Variants in SHISA9 observed in about 807,000 individuals in gnomAD.
The protein encoded by SHISA9 is shisa family member 9, also known as protein shisa-9.
Under a neutral mutation model 38.0 loss-of-function variants are expected in SHISA9, and 13 were observed. The observed-to-expected ratio is 0.34, with a 90% CI of 0.22 to 0.54. The LOEUF (loss-of-function observed/expected upper bound fraction) is 0.54. Among genes scored for constraint, SHISA9 ranks in the 20% least tolerant of loss-of-function variants. The pLI, the probability that SHISA9 is intolerant of heterozygous loss-of-function variation, is 0.91. For synonymous variants in SHISA9, 275 were observed against 242.0 expected, an observed-to-expected ratio of 1.14 and a Z score of -1.27; for missense variants, 538 against 575.8, an observed-to-expected ratio of 0.93 and a Z score of 0.67.
intron 3 of SHISA9, among the ~76,000 whole-genome samples, chr16:13,209,866 C>T (rs2051100802): frequency 6.6e-6 from 1 of 152,156 alleles, no homozygotes; most frequent in South Asian, 2.1e-4. Context: ...CTTTGGGAGG[C>T]CAAGGCGATG....
chr16:13,549,236 G>A, the SHISA9 span, among the ~76,000 whole-genome samples: 1 of 152,180 alleles, frequency 6.6e-6, no homozygotes, highest in African/African-American at 2.4e-5. Flanking sequence ...GGGAAATGGG[G>A]AGATGTAGGT....
At chr16:13,169,178 C>T (rs779660584) in intron 2 of SHISA9, among the ~76,000 whole-genome samples, 18 of 152,158 alleles carry the variant, frequency 1.2e-4, no homozygotes, top group Non-Finnish European at 1.3e-4. Context: ...GATCTTCACC[C>T]CTCCCAGCTC....
At chr16:13,186,647 C>T (rs1024586136) in intron 2 of SHISA9, among the ~76,000 whole-genome samples, 1 of 152,214 alleles carries the variant, frequency 6.6e-6, no homozygotes, top group East Asian at 1.9e-4. Context: ...TTAGTACATT[C>T]GCATTGTTGT....
At chr16:12,999,531 A>G (rs1358322269) in intron 2 of SHISA9, among the ~76,000 whole-genome samples, 2 of 152,218 alleles carry the variant, frequency 1.3e-5, no homozygotes, top group Non-Finnish European at 2.9e-5. Context: ...CTTGGTTTTT[A>G]TCTTAACAAC....
chr16:13,254,912 G>T, the SHISA9 span, among the ~76,000 whole-genome samples: 3 of 152,320 alleles, frequency 2.0e-5, no homozygotes, highest in Middle Eastern at 3.4e-3. Flanking sequence ...AGTAGCAGAG[G>T]ATCAGGCCTG....
Position 13,238,995 on chromosome 16 carries a change from C to T in SHISA9, c.*3586C>T, listed in dbSNP as rs1459032385. On this transcript the variant is annotated 3_prime_UTR_variant, in exon 5 of 5. Transcript: ENST00000558583. Reference sequence around the variant, plus strand: ...TGCTATCCCTCCCCCCTCCCCCCACCCCACAACAGTCCCCAGAGTGTGATG... The same window carrying T: ...TGCTATCCCTCCCCCCTCCCCCCACTCCACAACAGTCCCCAGAGTGTGATG... 4 of 104,988 alleles carry T rather than the reference C, an allele frequency of 3.8e-5. No homozygotes were observed. Among genetic ancestry groups the T allele is most frequent in the Non-Finnish European group, 7.3e-5 (4 of 55,086 alleles). The allele number at this position is 104,988 out of a possible 1,614,324, so 6.5% of individuals were successfully genotyped here. A position where few individuals can be genotyped will look rare whatever the true frequency, so the allele number is the denominator to read the frequency against.
chr16:13,451,907 T>A, the SHISA9 span, among the ~76,000 whole-genome samples: 3 of 152,250 alleles, frequency 2.0e-5, no homozygotes, highest in Non-Finnish European at 4.4e-5. Flanking sequence ...GGCTTCGGAT[T>A]CAAATTCATT....
At chr16:13,186,110 G>C (rs1349866293) in intron 2 of SHISA9, among the ~76,000 whole-genome samples, 2 of 152,010 alleles carry the variant, frequency 1.3e-5, no homozygotes, top group African/African-American at 4.8e-5. Context: ...TTGAATAAGT[G>C]ACTCACAGCC....
chr16:13,367,481 G>A, the SHISA9 span, among the ~76,000 whole-genome samples: 1 of 151,610 alleles, frequency 6.6e-6, no homozygotes, highest in Non-Finnish European at 1.5e-5. Flanking sequence ...AGGAAGCCAG[G>A]ATCCAGAGAA....
the SHISA9 span, among the ~76,000 whole-genome samples, chr16:13,248,775 C>T: frequency 1.3e-5 from 2 of 152,060 alleles, no homozygotes; most frequent in Non-Finnish European, 2.9e-5. Context: ...GAAAGCGATC[C>T]TGAGATAGGA....
chr16:13,469,323 AAAG>A, the SHISA9 span, among the ~76,000 whole-genome samples: 4 of 84,194 alleles, frequency 4.8e-5, no homozygotes, highest in Non-Finnish European at 9.3e-5. Flanking sequence ...AGAGAGAGAG[AAAG>A]AAAGAAAGAA....
At chr16:13,250,285 G>T in the SHISA9 span, among the ~76,000 whole-genome samples, 1 of 152,152 alleles carries the variant, frequency 6.6e-6, no homozygotes, top group African/African-American at 2.4e-5. Context: ...TAAAGCTTAG[G>T]GGTGGAGGAG....
intron 2 of SHISA9, among the ~76,000 whole-genome samples, chr16:13,174,655 G>T (rs1366911821): frequency 1.3e-5 from 2 of 152,212 alleles, no homozygotes; most frequent in Non-Finnish European, 2.9e-5. Context: ...GGACTTGAGA[G>T]GGTGAGTAGC....
the SHISA9 span, among the ~76,000 whole-genome samples, chr16:13,377,689 T>C: frequency 6.6e-6 from 1 of 152,178 alleles, no homozygotes; most frequent in African/African-American, 2.4e-5. Flanking sequence ...CTCAATAATG[T>C]TCCCTCTTGG....
intron 4 of SHISA9, among the ~76,000 whole-genome samples, chr16:13,232,482 C>G (rs1317569003): frequency 6.6e-6 from 1 of 152,118 alleles, no homozygotes; most frequent in African/African-American, 2.4e-5. Flanking sequence ...TGAAAAAGGT[C>G]AAACTCTGTC....
At chr16:13,323,936 G>A in the SHISA9 span, among the ~76,000 whole-genome samples, 2 of 152,096 alleles carry the variant, frequency 1.3e-5, no homozygotes, top group South Asian at 2.1e-4. Context: ...GAGGTGTTTG[G>A]GTCATGGGGG....
intron 2 of SHISA9, among the ~76,000 whole-genome samples, chr16:13,184,001 G>C (rs981991725): frequency 3.9e-5 from 6 of 152,062 alleles, no homozygotes; most frequent in Non-Finnish European, 7.4e-5. Context: ...CTCTGGGGGA[G>C]GGACAGGAAA....
At chr16:13,435,567 CA>C in the SHISA9 span, among the ~76,000 whole-genome samples, 1 of 152,166 alleles carries the variant, frequency 6.6e-6, no homozygotes, top group Admixed American at 6.5e-5. Flanking sequence ...CAAACTATCC[CA>C]ACCCTTTGAA....
the SHISA9 span, among the ~76,000 whole-genome samples, chr16:13,428,273 A>C: frequency 6.6e-6 from 1 of 152,266 alleles, no homozygotes; most frequent in African/African-American, 2.4e-5. Flanking sequence ...GCTTAGAATA[A>C]CTAGCAAGAA....
Sources: allele counts gnomAD v4.1 joint callset (sites outside exome capture counted in the v4.1 genomes callset), GRCh38; gene constraint gnomAD v4.1.1; transcripts MANE v1.5; gene names NCBI Gene and HGNC (gene_info 2026-07-23, HGNC 2026-07-21).